RGL1: variants seen among roughly 807,000 people sequenced by gnomAD.
RGL1 encodes the protein ral guanine nucleotide dissociation stimulator-like 1.
Under a neutral mutation model 95.2 loss-of-function variants are expected in RGL1, and 24 were observed. The ratio of observed to expected loss-of-function variants is 0.25; its 90% CI spans 0.18 to 0.35. RGL1 has a LOEUF of 0.35. Ranked by LOEUF, RGL1 falls within the 10% of genes least tolerant of loss-of-function variation. RGL1 has a pLI of 1.00. For missense variants in RGL1, 715 were observed against 936.3 expected, an observed-to-expected ratio of 0.76 and a Z score of 3.08; for synonymous variants, 329 against 344.9, an observed-to-expected ratio of 0.95 and a Z score of 0.51.
At chr1:183,749,110 G>A (rs1657836017) in intron 2 of RGL1, among the ~76,000 whole-genome samples, 1 of 152,198 alleles carries the variant, frequency 6.6e-6, no homozygotes, top group African/African-American at 2.4e-5. Flanking sequence ...ATTTGGGGTG[G>A]AGAGTTCTGC....
chr1:183,826,026 AATCAATCG>A (rs755131080), intron 2 of RGL1, among the ~76,000 whole-genome samples: 1 of 133,812 alleles, frequency 7.5e-6, no homozygotes, highest in South Asian at 2.6e-4. Context: ...TCAATCAATC[AATCAATCG>A]CAACTCTCCC....
At chr1:183,794,059 C>CACACACACAA (rs1286196712) in intron 2 of RGL1, among the ~76,000 whole-genome samples, 1 of 52,348 alleles carries the variant, frequency 1.9e-5, no homozygotes, top group African/African-American at 1.3e-4. Flanking sequence ...AATGTGGACA[C>CACACACACAA]ACACACACAC....
chr1:183,915,367 T>C (rs1668897041), intron 15 of RGL1, among the ~76,000 whole-genome samples: 1 of 152,244 alleles, frequency 6.6e-6, no homozygotes, highest in East Asian at 1.9e-4. Context: ...AATGGGTATT[T>C]TAAATGGTTC....
intron 12 of RGL1, 51 bp from the exon 13 acceptor site, chr1:183,904,799 C>A: frequency 6.5e-7 from 1 of 1,546,744 alleles, no homozygotes; most frequent in African/African-American, 1.4e-5. Context: ...ATTTGGTTGG[C>A]CTTATTATTC....
chr1:183,636,588 G>A lies in RGL1; in HGVS notation c.-33+87G>A, dbSNP rs16861336. 89 of 163,100 alleles carry A rather than the reference G, an allele frequency of 5.5e-4. No homozygotes were observed. In the East Asian group the frequency reaches 0.015, roughly 27 times the overall value. The allele number at this position is 163,100 out of a possible 1,614,324, so 10.1% of individuals were successfully genotyped here. ...AACTGGGGTGAATTTGTAGAATTTG[G>A]GAAAGGGTCATTGACATCTTAAAAT... On this transcript the variant is annotated intron_variant, in intron 1 of 18. Coordinates refer to the RGL1 transcript ENST00000304685.
chr1:183,650,564 A>G (rs1455171302), intron 1 of RGL1, among the ~76,000 whole-genome samples: 2 of 152,098 alleles, frequency 1.3e-5, no homozygotes, highest in Non-Finnish European at 1.5e-5. Flanking sequence ...CAAAAAACAC[A>G]ATATTCATGG....
chr1:183,727,807 T>C lies in RGL1; in HGVS notation c.-32-14319T>C, dbSNP rs571782671. Among the ~76,000 whole-genome samples the C allele has an allele frequency of 2.6e-5, 4 of 152,256 alleles. No homozygotes were observed. In the South Asian group the frequency reaches 8.3e-4, roughly 32 times the overall value. On this transcript the variant is annotated intron_variant, in intron 1 of 18. Transcript: ENST00000304685. ...TTTCTATATATTAGCAATAAACAGATGGAAATTTTAAAAAGGACAATATTA... is the reference window on the plus strand; with the variant it reads ...TTTCTATATATTAGCAATAAACAGACGGAAATTTTAAAAAGGACAATATTA...
intron 7 of RGL1, among the ~76,000 whole-genome samples, chr1:183,886,835 A>G (rs1667136817): frequency 6.6e-6 from 1 of 152,130 alleles, no homozygotes; most frequent in Non-Finnish European, 1.5e-5. Context: ...TTTCTGACCT[A>G]ATATGACTAT....
intron 2 of RGL1, among the ~76,000 whole-genome samples, chr1:183,751,667 G>A (rs1658009277): frequency 6.6e-6 from 1 of 152,196 alleles, no homozygotes; most frequent in African/African-American, 2.4e-5. Context: ...TGAAACCCAG[G>A]GCCCTGGTGG....
intron 1 of RGL1, among the ~76,000 whole-genome samples, chr1:183,713,146 C>G (rs1299857731): frequency 2.0e-5 from 3 of 152,120 alleles, no homozygotes; most frequent in Non-Finnish European, 4.4e-5. Flanking sequence ...CTGCCTCAGC[C>G]TCCCGAGTAG....
intron 1 of RGL1, among the ~76,000 whole-genome samples, chr1:183,713,207 G>T (rs1655393741): frequency 6.6e-6 from 1 of 151,998 alleles, no homozygotes; most frequent in African/African-American, 2.4e-5. Context: ...TCTATTTTTA[G>T]TAGAGAAGGG....
intron 1 of RGL1, among the ~76,000 whole-genome samples, chr1:183,661,434 A>C (rs1651617589): frequency 6.6e-6 from 1 of 152,228 alleles, no homozygotes; most frequent in Non-Finnish European, 1.5e-5. Flanking sequence ...AAACACCTCT[A>C]TGCAAATAAA....
In RGL1 at chr1:183,637,081, C is replaced by T. The variant is rs3754513; in HGVS notation, c.-33+580C>T. Among the ~76,000 whole-genome samples, 287 of 152,300 alleles carry T rather than the reference C, an allele frequency of 1.9e-3. 6 individuals are homozygous for T. In the East Asian group the frequency reaches 0.043, roughly 23 times the overall value. On this transcript the variant is annotated intron_variant, in intron 1 of 18. Transcript: ENST00000304685. ...TTCCACTCATAATGTTTGAACGAGACATGTCACTTAAAATTCTGTCTCAGA... is the reference window on the plus strand; with the variant it reads ...TTCCACTCATAATGTTTGAACGAGATATGTCACTTAAAATTCTGTCTCAGA...
chr1:183,668,001 A>ATG (rs1470361484), intron 1 of RGL1, among the ~76,000 whole-genome samples: 4 of 56,992 alleles, frequency 7.0e-5, no homozygotes, highest in East Asian at 1.1e-3. Context: ...ATGCTTATAT[A>ATG]TATGTGTGTG....
intron 2 of RGL1, among the ~76,000 whole-genome samples, chr1:183,775,457 AT>A (rs1259214507): frequency 6.6e-6 from 1 of 152,238 alleles, no homozygotes; most frequent in Non-Finnish European, 1.5e-5. Flanking sequence ...TGTTAAATGA[AT>A]GGATGAGTAA....
At chr1:183,702,763 T>C (rs752739730) in intron 1 of RGL1, among the ~76,000 whole-genome samples, 3 of 152,108 alleles carry the variant, frequency 2.0e-5, no homozygotes, top group African/African-American at 4.8e-5. Flanking sequence ...CACAGATGAA[T>C]TGTCAGAATT....
intron 4 of RGL1, among the ~76,000 whole-genome samples, chr1:183,873,010 A>C (rs922356968): frequency 3.4e-4 from 52 of 152,382 alleles, no homozygotes; most frequent in African/African-American, 1.2e-3. Flanking sequence ...CCTACAGGAC[A>C]AAGAAGAATA....
At chr1:183,902,013 G>A (rs1668054739) in intron 11 of RGL1, among the ~76,000 whole-genome samples, 1 of 152,172 alleles carries the variant, frequency 6.6e-6, no homozygotes, top group Non-Finnish European at 1.5e-5. Flanking sequence ...TGACTTCTAT[G>A]TCTCTTCACA....
intron 6 of RGL1, among the ~76,000 whole-genome samples, chr1:183,884,522 A>T (rs1667005219): frequency 6.6e-6 from 1 of 151,974 alleles, no homozygotes; most frequent in Non-Finnish European, 1.5e-5. Context: ...CAGGGTGGAG[A>T]TTTTCCTTCT....
Sources: gnomAD v4.1 joint callset for allele counts (sites outside exome capture counted in the v4.1 genomes callset) on GRCh38, gnomAD v4.1.1 for gene constraint, MANE v1.5 for transcripts, NCBI Gene and HGNC (gene_info 2026-07-23, HGNC 2026-07-21) for gene names.